Variants in PACRG observed in about 807,000 individuals in gnomAD.
PACRG encodes the protein parkin coregulated.
Under a neutral mutation model 29.7 loss-of-function variants are expected in PACRG, and 29 were observed. That is an observed-to-expected ratio of 0.98 (90% confidence interval 0.73 to 1.33). The LOEUF (loss-of-function observed/expected upper bound fraction) is 1.33. Ranked by LOEUF, PACRG falls within the 40% of genes most tolerant of loss-of-function variation. PACRG has a pLI of 0.00. For synonymous variants in PACRG, 116 were observed against 118.7 expected (o/e 0.98, Z 0.15); for missense variants, 279 against 316.2 (o/e 0.88, Z 0.89).
chr6:163,112,381 C>G (rs1481252392), intron 4 of PACRG, among the ~76,000 whole-genome samples: 1 of 152,084 alleles, frequency 6.6e-6, no homozygotes, highest in Non-Finnish European at 1.5e-5. Flanking sequence ...TGAAAAGGAC[C>G]CTTTCCTCCA....
chr6:163,047,193 C>T (rs1052418013), intron 2 of PACRG, among the ~76,000 whole-genome samples: 4 of 152,202 alleles, frequency 2.6e-5, no homozygotes, highest in East Asian at 3.8e-4. Context: ...CAAGACTTTT[C>T]AGGCCTATCA....
In PACRG at chr6:163,132,742, G is replaced by A. The variant is rs543475367; in HGVS notation, c.613+43334G>A. On this transcript the variant is annotated intron_variant, in intron 4 of 4. Coordinates refer to ENST00000366888, the MANE Select transcript of PACRG (RefSeq NM_001080379.2). ...TTAATGGCACTTATTAAATCCAGAA[G>A]AAAAATACCTAAATAATTCTTACTT... is the stretch of plus-strand genomic sequence containing the variant. Among the ~76,000 whole-genome samples, 1,521 of 152,224 alleles carry A rather than the reference G, an allele frequency of 1.0e-2. 24 individuals are homozygous for A. The highest frequency in any genetic ancestry group is 0.035 in the African/African-American group (1,460 of 41,518).
At chr6:162,957,245 G>T in intron 2 of PACRG, 1 of 461,562 alleles carries the variant, frequency 2.2e-6, no homozygotes, top group South Asian at 2.1e-5. Flanking sequence ...CAACACTTTT[G>T]AAGTGCTTAT....
chr6:162,799,479 G>A (rs2128338623), intron 1 of PACRG, among the ~76,000 whole-genome samples: 1 of 152,246 alleles, frequency 6.6e-6, no homozygotes, highest in East Asian at 1.9e-4. Flanking sequence ...TGTGCTTTAT[G>A]TGTGTGATAT....
chr6:162,929,851 T>C (rs535505111), intron 2 of PACRG, among the ~76,000 whole-genome samples: 8 of 152,146 alleles, frequency 5.3e-5, no homozygotes, highest in African/African-American at 1.9e-4. Flanking sequence ...TTTCCCATTG[T>C]ATGTTCTTGG....
At chr6:163,132,670 C>A (rs1031919744) in intron 4 of PACRG, among the ~76,000 whole-genome samples, 1 of 152,184 alleles carries the variant, frequency 6.6e-6, no homozygotes, top group Non-Finnish European at 1.5e-5. Context: ...CACTTCTGTA[C>A]CTCCTCAGTA....
At chr6:163,297,652 C>T (rs1585409532) in intron 4 of PACRG, among the ~76,000 whole-genome samples, 1 of 152,152 alleles carries the variant, frequency 6.6e-6, no homozygotes, top group East Asian at 1.9e-4. Flanking sequence ...TGAATGTTTA[C>T]ATTGAACAAA....
At chr6:162,990,713 C>A (rs974012234) in intron 2 of PACRG, among the ~76,000 whole-genome samples, 3 of 133,382 alleles carry the variant, frequency 2.2e-5, no homozygotes, top group African/African-American at 1.1e-4. Context: ...ATGGTAGTTT[C>A]TTTTGCTGTG....
At chr6:162,986,405 C>T (rs1404226773) in intron 2 of PACRG, among the ~76,000 whole-genome samples, 1 of 152,024 alleles carries the variant, frequency 6.6e-6, no homozygotes, top group Non-Finnish European at 1.5e-5. Context: ...GAAATAAAGC[C>T]AAATACTTAC....
intron 4 of PACRG, chr6:163,111,940 A>T: frequency 2.2e-6 from 1 of 450,098 alleles, no homozygotes; most frequent in Non-Finnish European, 2.9e-6. Context: ...TTAAGAAATT[A>T]ATCATATTCT....
intron 1 of PACRG, among the ~76,000 whole-genome samples, chr6:162,779,611 T>C (rs1293866511): frequency 6.6e-6 from 1 of 152,208 alleles, no homozygotes; most frequent in Non-Finnish European, 1.5e-5. Context: ...AACAATGTTA[T>C]AACAGATGAG....
intron 4 of PACRG, among the ~76,000 whole-genome samples, chr6:163,210,182 A>G (rs1233162399): frequency 6.6e-6 from 1 of 152,222 alleles, no homozygotes; most frequent in East Asian, 1.9e-4. Context: ...CATCCAGACG[A>G]TGAACAGAAG....
At chr6:162,785,570 G>T (rs1477322852) in intron 1 of PACRG, among the ~76,000 whole-genome samples, 1 of 151,966 alleles carries the variant, frequency 6.6e-6, no homozygotes, top group Non-Finnish European at 1.5e-5. Context: ...AGACGGCCAG[G>T]GGGTGAAGGG....
chr6:163,039,914 G>A (rs1808529827), intron 2 of PACRG, among the ~76,000 whole-genome samples: 1 of 152,234 alleles, frequency 6.6e-6, no homozygotes, highest in South Asian at 2.1e-4. Flanking sequence ...CCCATCTTCT[G>A]GTGAGGAACT....
chr6:163,205,462 A>G (rs1169561127), intron 4 of PACRG, among the ~76,000 whole-genome samples: 1 of 152,216 alleles, frequency 6.6e-6, no homozygotes, highest in East Asian at 1.9e-4. Flanking sequence ...CAATAGGGAA[A>G]GGACTCCCTA....
At chr6:162,874,151 A>AAAAAATAT (rs67812561) in intron 2 of PACRG, among the ~76,000 whole-genome samples, 29 of 136,296 alleles carry the variant, frequency 2.1e-4, no homozygotes, top group Middle Eastern at 3.8e-3. Context: ...AAAAAAAAAA[A>AAAAAATAT]ATATATATAT....
intron 1 of PACRG, among the ~76,000 whole-genome samples, chr6:162,764,130 C>T (rs1165932913): frequency 1.3e-5 from 2 of 152,008 alleles, no homozygotes; most frequent in Non-Finnish European, 2.9e-5. Flanking sequence ...AAAAAATTAG[C>T]CAGTTGTGGT....
At chr6:163,268,405 A>AAAAAAAAAAAAAAAAAAAAG (rs71008143) in intron 4 of PACRG, among the ~76,000 whole-genome samples, 1 of 143,694 alleles carries the variant, frequency 7.0e-6, no homozygotes, top group Non-Finnish European at 1.5e-5. Flanking sequence ...GTCTCAAAGA[A>AAAAAAAAAAAAAAAAAAAAG]AAAAAAAAAG....
intron 4 of PACRG, among the ~76,000 whole-genome samples, chr6:163,273,867 G>C (rs1003988753): frequency 2.0e-5 from 3 of 151,760 alleles, no homozygotes; most frequent in Non-Finnish European, 4.4e-5. Flanking sequence ...CATTTATTTT[G>C]TTGCTCCTTG....
Sources: allele counts gnomAD v4.1 joint callset (sites outside exome capture counted in the v4.1 genomes callset), GRCh38; gene constraint gnomAD v4.1.1; transcripts MANE v1.5; gene names NCBI Gene and HGNC (gene_info 2026-07-23, HGNC 2026-07-21).